The following SLC7A7 variants were observed in gnomAD, a reference collection of about 807,000 sequenced individuals.
SLC7A7 encodes solute carrier family 7 member 7, also known as Y+L amino acid transporter 1.
SLC7A7 carries 39 observed loss-of-function variants against 47.9 expected under a neutral mutation model. That is an observed-to-expected ratio of 0.81 (90% CI 0.63 to 1.06). SLC7A7 has a LOEUF of 1.06. Among genes scored for constraint, SLC7A7 ranks in the 50% least tolerant of loss-of-function variants. The probability of loss-of-function intolerance (pLI) is 0.00; values close to 1 mark genes in which losing one functional copy is unlikely to be tolerated. For missense variants in SLC7A7, 588 were observed against 632.0 expected (o/e 0.93, Z 0.75); for synonymous variants, 234 against 242.8 (o/e 0.96, Z 0.34).
At chr14:22,799,264 C>T (rs1214432995) in intron 2 of SLC7A7, among the ~76,000 whole-genome samples, 4 of 151,966 alleles carry the variant, frequency 2.6e-5, no homozygotes, top group African/African-American at 2.4e-5. Flanking sequence ...TTCCACTCAC[C>T]ATCTTCCAGG....
chr14:22,790,972 T>C (rs1024517396), intron 2 of SLC7A7, among the ~76,000 whole-genome samples: 2 of 141,192 alleles, frequency 1.4e-5, no homozygotes, highest in African/African-American at 5.2e-5. Context: ...CACTCCAGCC[T>C]GGTGACAGAG....
At chr14:22,791,604 T>C (rs2038924462) in intron 2 of SLC7A7, among the ~76,000 whole-genome samples, 1 of 152,126 alleles carries the variant, frequency 6.6e-6, no homozygotes, top group African/African-American at 2.4e-5. Flanking sequence ...ATGCACACTA[T>C]TCCTGGGGGA....
chr14:22,816,837 T>C (rs2039413218), upstream of SLC7A7, among the ~76,000 whole-genome samples: 1 of 152,124 alleles, frequency 6.6e-6, no homozygotes, highest in Non-Finnish European at 1.5e-5. Flanking sequence ...ACTTTTAATT[T>C]AATCTAGGAG....
At chr14:22,803,399 C>T (rs2039149030) in intron 2 of SLC7A7, among the ~76,000 whole-genome samples, 1 of 151,974 alleles carries the variant, frequency 6.6e-6, no homozygotes, top group African/African-American at 2.4e-5. Flanking sequence ...GCCTGGGCAA[C>T]AGAGCGAGAC....
In SLC7A7 at chr14:22,812,934, A is replaced by G. The variant is rs1029500488; in HGVS notation, c.465T>C (p.Tyr155=). The G allele has an allele frequency of 2.5e-6, 4 of 1,613,876 alleles. No homozygotes were observed. The South Asian group carries it at 4.4e-5, about 18-fold the overall frequency. Residue 155 remains tyrosine, a synonymous_variant, in exon 2 of 10, where the codon TAT becomes TAC. Transcript: ENST00000674313. The part of the protein sequence containing the change: ...QPLFPSCFAP[Y]AASRLLAAAC... The stretch of plus-strand genomic sequence containing the variant: ...CAGCAGCCAGCAGGCGGCTGGCAGC[A>G]TAAGGGGCGAAGCAGCTCGGGAAGA...
chr14:22,784,337 T>C (rs933461090), intron 2 of SLC7A7, among the ~76,000 whole-genome samples: 16 of 152,002 alleles, frequency 1.1e-4, no homozygotes, highest in African/African-American at 3.1e-4. Context: ...AAGTCACTCG[T>C]GGCCGGGTGC....
intron 2 of SLC7A7, among the ~76,000 whole-genome samples, chr14:22,791,157 A>G (rs755246135): frequency 6.6e-6 from 1 of 152,162 alleles, no homozygotes; most frequent in Non-Finnish European, 1.5e-5. Context: ...GTAGTCTCCA[A>G]AATACCCAGA....
chr14:22,777,010 G>A (rs2038622916), intron 4 of SLC7A7, among the ~76,000 whole-genome samples: 1 of 151,608 alleles, frequency 6.6e-6, no homozygotes, highest in South Asian at 2.1e-4. Flanking sequence ...AAGCGTGGTG[G>A]TGCATGCCTG....
At chr14:22,808,741 C>A (rs1335628447) in intron 2 of SLC7A7, among the ~76,000 whole-genome samples, 1 of 152,186 alleles carries the variant, frequency 6.6e-6, no homozygotes, top group Non-Finnish European at 1.5e-5. Context: ...CCTTCTGAAC[C>A]TTCTTTAGAT....
chr14:22,800,587 T>G (rs747843300), intron 2 of SLC7A7, among the ~76,000 whole-genome samples: 1 of 152,162 alleles, frequency 6.6e-6, no homozygotes, highest in Non-Finnish European at 1.5e-5. Flanking sequence ...CACCACGCTG[T>G]GAGAAAGCTC....
At chr14:22,810,039 CA>C (rs34386018) in intron 2 of SLC7A7, among the ~76,000 whole-genome samples, 17 of 60,680 alleles carry the variant, frequency 2.8e-4, no homozygotes, top group Non-Finnish European at 3.6e-4. Flanking sequence ...AACACTGTCT[CA>C]AAAAAAAAAA....
intron 2 of SLC7A7, among the ~76,000 whole-genome samples, chr14:22,798,501 A>G (rs1265832313): frequency 6.6e-6 from 1 of 152,200 alleles, no homozygotes; most frequent in East Asian, 1.9e-4. Context: ...AGGGCACCCA[A>G]TCATTACAGC....
At chr14:22,801,614 T>G (rs550686920) in intron 2 of SLC7A7, among the ~76,000 whole-genome samples, 3 of 152,012 alleles carry the variant, frequency 2.0e-5, no homozygotes, top group Admixed American at 6.6e-5. Flanking sequence ...AAACCCCGTC[T>G]AAAAAATACA....
chr14:22,784,350 T>C (rs897753930), intron 2 of SLC7A7, among the ~76,000 whole-genome samples: 16 of 152,212 alleles, frequency 1.1e-4, no homozygotes, highest in African/African-American at 3.6e-4. Flanking sequence ...CCGGGTGCAG[T>C]GGCTCACGCC....
At chr14:22,817,284 T>C, upstream of SLC7A7, 1 of 265,348 alleles carries the variant, frequency 3.8e-6, no homozygotes. Flanking sequence ...TAACTAGGAT[T>C]ACACCTGGCT....
At chr14:22,803,524 G>A (rs1351781541) in intron 2 of SLC7A7, among the ~76,000 whole-genome samples, 1 of 152,206 alleles carries the variant, frequency 6.6e-6, no homozygotes, top group Admixed American at 6.5e-5. Flanking sequence ...TGGAGTAAGG[G>A]AATAAGCTCT....
intron 2 of SLC7A7, among the ~76,000 whole-genome samples, chr14:22,802,872 A>G (rs1453942002): frequency 6.6e-6 from 1 of 151,892 alleles, no homozygotes; most frequent in East Asian, 1.9e-4. Context: ...TGGTCCCCTC[A>G]TATCCCACAA....
chr14:22,778,204 C>T (rs1016636977), intron 4 of SLC7A7, among the ~76,000 whole-genome samples: 1 of 152,172 alleles, frequency 6.6e-6, no homozygotes, highest in East Asian at 1.9e-4. Flanking sequence ...GATAAGGAAA[C>T]AGGCAAAGAG....
intron 3 of SLC7A7, 128 bp downstream of exon 3, chr14:22,779,798 G>T: frequency 1.1e-6 from 1 of 920,956 alleles, no homozygotes; most frequent in Non-Finnish European, 1.7e-6. Flanking sequence ...CATAAAATGA[G>T]AATAATAATA....
Sources: gnomAD v4.1 joint callset for allele counts (sites outside exome capture counted in the v4.1 genomes callset) on GRCh38, gnomAD v4.1.1 for gene constraint, MANE v1.5 for transcripts, NCBI Gene and HGNC (gene_info 2026-07-23, HGNC 2026-07-21) for gene names.